Variants in MYO15B observed in about 807,000 individuals in gnomAD.
The protein encoded by MYO15B is myosin XVB.
MYO15B carries 207 observed loss-of-function variants against 119.3 expected under a neutral mutation model. The observed-to-expected ratio is 1.73, with a 90% confidence interval of 1.55 to 1.95. MYO15B has a LOEUF of 1.95. MYO15B is among the 30% of genes most tolerant of loss of function. The pLI, the probability that MYO15B is intolerant of heterozygous loss-of-function variation, is 0.00. For synonymous variants in MYO15B, 966 were observed against 498.9 expected (o/e 1.94, Z -12.48); for missense variants, 2,264 against 1,203.1 (o/e 1.88, Z -13.04).
intron 43 of MYO15B, among the ~76,000 whole-genome samples, chr17:75,618,505 C>T (rs2058510788): frequency 6.6e-6 from 1 of 152,156 alleles, no homozygotes; most frequent in African/African-American, 2.4e-5. Context: ...ATACAAAAAT[C>T]AGGCGTGGTG....
chr17:75,614,619 C>T (rs759463277), exon 31 of MYO15B: 7 of 700,966 alleles, frequency 1.0e-5, no homozygotes, highest in South Asian at 7.4e-5. Flanking sequence ...GCATTCAGGC[C>T]CCCTCACTGC....
At chr17:75,605,727 G>A in intron 20 of MYO15B, 106 bp downstream of exon 20, 1 of 671,588 alleles carries the variant, frequency 1.5e-6, no homozygotes, top group East Asian at 2.7e-5. Flanking sequence ...CATCCAAGTG[G>A]TGGGAGACAG....
chr17:75,611,920 G>A, exon 25 of MYO15B: 1 of 703,006 alleles, frequency 1.4e-6, no homozygotes, highest in Non-Finnish European at 2.6e-6. Flanking sequence ...GCATCACCGA[G>A]TGCCTGCCGC....
chr17:75,625,059 A>G (rs1235290818), intron 59 of MYO15B, 64 bp from the exon 60 acceptor site: 12 of 660,940 alleles, frequency 1.8e-5, no homozygotes, highest in African/African-American at 7.1e-5. Flanking sequence ...TTGAGCCTCT[A>G]GAGCCACCAA....
At chr17:75,617,400 G>A (rs1178817702) in intron 41 of MYO15B, 96 bp downstream of exon 41, 8 of 569,788 alleles carry the variant, frequency 1.4e-5, no homozygotes, top group East Asian at 3.0e-5. Flanking sequence ...GCATTTCTGC[G>A]TGGCTGAGGC....
At chr17:75,614,324 C>T (rs2058224643) in exon 30 of MYO15B, 2 of 702,754 alleles carry the variant, frequency 2.8e-6, no homozygotes, top group South Asian at 3.0e-5. Flanking sequence ...GGGGACCCAG[C>T]TCGCCCCCGC....
exon 4 of MYO15B, chr17:75,591,201 A>G (rs776728437): frequency 1.0e-5 from 7 of 702,842 alleles, no homozygotes; most frequent in Middle Eastern, 2.3e-4. Flanking sequence ...GCATCAGCCT[A>G]TGACCTGGCT....
At chr17:75,619,176 C>T (rs181679770) in exon 44 of MYO15B, 182 of 702,894 alleles carry the variant, frequency 2.6e-4, no homozygotes, top group South Asian at 4.7e-4. Flanking sequence ...GTCCTGTATC[C>T]GGATTTCCCA....
Position 75,589,915 on chromosome 17 carries a change from T to C in MYO15B, c.1858T>C (p.Ser620Pro), listed in dbSNP as rs80017587. 34,672 of 398,540 alleles carry C rather than the reference T, an allele frequency of 0.087. 1,684 individuals are homozygous for C. Among genetic ancestry groups the C allele is most frequent in the Middle Eastern group, 0.15 (240 of 1,590 alleles). The allele number at this position is 398,540 out of a possible 1,614,324, so 24.7% of individuals were successfully genotyped here. ...CGGGCCTTCCCTCGACGAGAGCGGC[T>C]CCAGCAGTGAGGCGGAGTTGGAGAC... The change falls in exon 1 of 64, where the codon TCC (serine) becomes CCC (proline). Residue 620 changes from serine to proline, a missense_variant. Ser to Pro is a moderately conservative substitution (Grantham distance 74). Transcript: ENST00000645453. This position sits in a 1 kb window ranked among gnomAD's most constrained non-coding sequence, Gnocchi z 4.2.
rs1202363994 is a variant in MYO15B, at chr17:75,606,901, C to T, written c.4292+880C>T. ...TTCCTATAACACCACCCTCCCACTT[C>T]TCACCTAATCATCTCTTTTTCGCCC... is the stretch of plus-strand genomic sequence containing the variant. On this transcript the variant is annotated intron_variant, in intron 21 of 63. Coordinates refer to ENST00000645453, the Ensembl canonical transcript of MYO15B. 1.3e-5 allele frequency: 5 copies of T among 398,534 alleles called. No individual in the cohort carries two copies. In the East Asian group the frequency reaches 1.8e-4, roughly 14 times the overall value. The allele number at this position is 398,534 out of a possible 1,614,324, so 24.7% of individuals were successfully genotyped here.
At chr17:75,594,525 A>G (rs1299223691) in exon 10 of MYO15B, 2 of 628,138 alleles carry the variant, frequency 3.2e-6, no homozygotes, top group East Asian at 5.5e-5. Flanking sequence ...AGATCCACAC[A>G]GCAGCCCGAC....
chr17:75,587,975 A>G (rs1056130595), exon 1 of MYO15B: 2 of 397,458 alleles, frequency 5.0e-6, no homozygotes, highest in African/African-American at 4.1e-5. Context: ...GGTGCACTGC[A>G]CAGAAGGTCA....
At position 75,614,765 on chromosome 17, in the gene MYO15B, C is replaced by G. The variant is rs977221243; in HGVS notation, c.5483-8C>G. ...GGCCATGGCTCCAACCCTCTCCCTG[C>G]CCCACAGGGGAGGTCCAGAGGTCAG... On this transcript the variant is annotated splice_region_variant and splice_polypyrimidine_tract_variant and intron_variant, in intron 31 of 63. Coordinates refer to ENST00000645453, the Ensembl canonical transcript of MYO15B. 5.7e-6 allele frequency: 4 copies of G among 702,722 alleles called. No individual in the cohort carries two copies. The highest frequency in any genetic ancestry group is 1.0e-5 in the Non-Finnish European group (4 of 385,016). The allele number at this position is 702,722 out of a possible 1,614,324, so 43.5% of individuals were successfully genotyped here.
At chr17:75,626,447 G>C in exon 64 of MYO15B, 1 of 703,296 alleles carries the variant, frequency 1.4e-6, no homozygotes, top group South Asian at 1.5e-5. Context: ...CTGATAGACA[G>C]CAGTGCCTCT....
intron 61 of MYO15B, 71 bp downstream of exon 61, chr17:75,625,731 C>T (rs1227407341): frequency 1.9e-5 from 13 of 700,972 alleles, no homozygotes; most frequent in Admixed American, 4.0e-5. Context: ...GGTAGAGGGG[C>T]GAGGAGGGGT....
At chr17:75,593,965 C>CT (rs1366384303) in intron 9 of MYO15B, among the ~76,000 whole-genome samples, 1 of 150,992 alleles carries the variant, frequency 6.6e-6, no homozygotes, top group Non-Finnish European at 1.5e-5. Flanking sequence ...TGGCATGTGC[C>CT]TGTAATCCCA....
At chr17:75,614,625 A>C (rs1439339036) in exon 31 of MYO15B, 1 of 700,284 alleles carries the variant, frequency 1.4e-6, no homozygotes, top group African/African-American at 1.8e-5. Flanking sequence ...AGGCCCCCTC[A>C]CTGCCCCCAG....
rs528992519 is a variant in MYO15B, at chr17:75,623,457, C to T, written c.8083-324C>T. Among the ~76,000 whole-genome samples the T allele has an allele frequency of 4.6e-5, 7 of 152,320 alleles. No individual in the cohort carries two copies. The South Asian group carries it at 1.5e-3, about 32-fold the overall frequency. ...TAAACCTGGCCAACGTAGTGAAACC[C>T]CATCTCTGCTAAAAATACAAAAGTT... On this transcript the variant is annotated intron_variant, in intron 53 of 63. Transcript: ENST00000645453.
chr17:75,602,227 TA>T (rs2057328863), intron 15 of MYO15B: 1 of 507,804 alleles, frequency 2.0e-6, no homozygotes, highest in Non-Finnish European at 3.6e-6. Context: ...AAAATAGATT[TA>T]ATATGGAGAG....
Sources: allele counts gnomAD v4.1 joint callset (sites outside exome capture counted in the v4.1 genomes callset), GRCh38; gene constraint gnomAD v4.1.1; non-coding constraint Gnocchi (gnomAD v3.1); transcripts MANE v1.5; gene names NCBI Gene and HGNC (gene_info 2026-07-23, HGNC 2026-07-21).